The following ADARB2 variants were observed in gnomAD, a reference collection of about 807,000 sequenced individuals.
ADARB2 encodes inactive double-stranded RNA-specific editase B2.
A neutral mutation model predicts 62.2 loss-of-function variants in ADARB2; 25 were observed. The observed-to-expected ratio is 0.40, with a 90% CI of 0.29 to 0.56. The LOEUF is 0.56. Among genes scored for constraint, ADARB2 ranks in the 20% least tolerant of loss-of-function variants. The probability of loss-of-function intolerance (pLI) is 0.43; values close to 1 mark genes in which losing one functional copy is unlikely to be tolerated. For missense variants in ADARB2, 1,071 were observed against 1,077.4 expected, an observed-to-expected ratio of 0.99 and a Z score of 0.08; for synonymous variants, 572 against 500.8, an observed-to-expected ratio of 1.14 and a Z score of -1.90.
intron 1 of ADARB2, among the ~76,000 whole-genome samples, chr10:1,635,797 G>A (rs1833911282): frequency 6.6e-6 from 1 of 152,128 alleles, no homozygotes. Flanking sequence ...CCTTGCAATA[G>A]GCTTTGGCTA....
chr10:1,649,788 C>T (rs1240443160), intron 1 of ADARB2, among the ~76,000 whole-genome samples: 1 of 152,196 alleles, frequency 6.6e-6, no homozygotes, highest in Admixed American at 6.5e-5. Flanking sequence ...TCAGCTGTAT[C>T]ATCAGTAAGA....
At chr10:1,502,793 G>A (rs772623967) in intron 1 of ADARB2, among the ~76,000 whole-genome samples, 1 of 152,188 alleles carries the variant, frequency 6.6e-6, no homozygotes, top group Non-Finnish European at 1.5e-5. Context: ...AAAAGAAACG[G>A]GATCATGTTG....
chr10:1,719,305 A>G (rs892777779), intron 1 of ADARB2, among the ~76,000 whole-genome samples: 2 of 152,156 alleles, frequency 1.3e-5, no homozygotes, highest in African/African-American at 4.8e-5. Context: ...ACAGTCTCAC[A>G]CACTCCTCTA....
intron 3 of ADARB2, among the ~76,000 whole-genome samples, chr10:1,280,569 A>C (rs914551259): frequency 1.3e-5 from 2 of 151,038 alleles, no homozygotes; most frequent in Non-Finnish European, 2.9e-5. Flanking sequence ...TGCTCCGTGA[A>C]ATTCCTAAGT....
chr10:1,464,867 G>A (rs1295799325), intron 1 of ADARB2, among the ~76,000 whole-genome samples: 2 of 152,224 alleles, frequency 1.3e-5, no homozygotes, highest in East Asian at 3.9e-4. Flanking sequence ...ACACACACTC[G>A]GCGGAGGCCC....
chr10:1,404,047 G>A (rs1406218214), intron 1 of ADARB2, among the ~76,000 whole-genome samples: 1 of 152,216 alleles, frequency 6.6e-6, no homozygotes, highest in Non-Finnish European at 1.5e-5. Flanking sequence ...GGCTTCCTGT[G>A]GTGCAGGGGC....
chr10:1,378,410 CAAAG>C (rs533255328), intron 2 of ADARB2, among the ~76,000 whole-genome samples: 52 of 152,236 alleles, frequency 3.4e-4, no homozygotes, highest in African/African-American at 1.1e-3. Flanking sequence ...GATGGAAAAA[CAAAG>C]GAAGGAGAGG....
Position 1,435,101 on chromosome 10 carries a change from G to T in ADARB2, c.101-55941C>A, listed in dbSNP as rs118138368. ...GGTCCCCTGGGAGGCCGTGGAGCAC[G>T]AGGGAGGGCACAGAACCCACCCTGG... On this transcript the variant is annotated intron_variant, in intron 1 of 9. Transcript: ENST00000381312. 7.0e-4 allele frequency among the ~76,000 whole-genome samples: 107 copies of T among 152,334 alleles called. 2 individuals carry two copies. In the East Asian group the frequency reaches 0.02, roughly 28 times the overall value.
chr10:1,575,942 A>G (rs1217721060), intron 1 of ADARB2, among the ~76,000 whole-genome samples: 2 of 151,960 alleles, frequency 1.3e-5, no homozygotes, highest in Non-Finnish European at 2.9e-5. Flanking sequence ...TGCAGAGCAC[A>G]AAGCGCATGG....
intron 1 of ADARB2, among the ~76,000 whole-genome samples, chr10:1,456,030 A>G (rs893785361): frequency 3.9e-5 from 6 of 152,242 alleles, no homozygotes; most frequent in African/African-American, 1.4e-4. Flanking sequence ...TTCAGAATAG[A>G]TCATATGGCT....
intron 3 of ADARB2, among the ~76,000 whole-genome samples, chr10:1,338,682 A>G (rs576268543): frequency 1.3e-5 from 2 of 151,902 alleles, no homozygotes; most frequent in South Asian, 4.2e-4. Flanking sequence ...TACGTGGGCC[A>G]GCTCACAGCC....
intron 3 of ADARB2, among the ~76,000 whole-genome samples, chr10:1,356,814 C>T (rs1832200430): frequency 6.6e-6 from 1 of 152,168 alleles, no homozygotes. Context: ...TCAAACAAGC[C>T]AATTGTGAAA....
chr10:1,247,829 A>C (rs981034951), intron 4 of ADARB2, among the ~76,000 whole-genome samples: 6 of 152,116 alleles, frequency 3.9e-5, no homozygotes, highest in Non-Finnish European at 8.8e-5. Context: ...TCCTTGGTTT[A>C]TGGGCATCAC....
chr10:1,478,996 C>A (rs1460319412), intron 1 of ADARB2, among the ~76,000 whole-genome samples: 1 of 152,146 alleles, frequency 6.6e-6, no homozygotes, highest in African/African-American at 2.4e-5. Context: ...GCTGGTAGCA[C>A]CCTCCCAAAA....
intron 7 of ADARB2, among the ~76,000 whole-genome samples, chr10:1,209,029 C>T (rs372771243): frequency 2.6e-5 from 4 of 152,092 alleles, no homozygotes; most frequent in Non-Finnish European, 4.4e-5. Flanking sequence ...CCAGATACCA[C>T]GGTGGATTTC....
At chr10:1,410,630 G>T (rs1395635835) in intron 1 of ADARB2, among the ~76,000 whole-genome samples, 1 of 152,162 alleles carries the variant, frequency 6.6e-6, no homozygotes, top group Admixed American at 6.5e-5. Flanking sequence ...ACTGTTGATG[G>T]TGTAGCATCT....
intron 3 of ADARB2, among the ~76,000 whole-genome samples, chr10:1,349,007 C>A (rs1257580517): frequency 2.6e-5 from 4 of 152,152 alleles, no homozygotes; most frequent in African/African-American, 9.7e-5. Context: ...ACTATGGACT[C>A]AGGGGAGGTG....
At position 1,244,501 on chromosome 10, in the gene ADARB2, C is replaced by A. The variant is rs182587414; in HGVS notation, c.1193-2202G>T. 3.7e-4 allele frequency among the ~76,000 whole-genome samples: 57 copies of A among 152,336 alleles called. 1 individual carries two copies. Among genetic ancestry groups the A allele is most frequent in the Admixed American group, 2.2e-3 (34 of 15,310 alleles). On this transcript the variant is annotated intron_variant, in intron 4 of 9. Coordinates refer to ENST00000381312, the MANE Select transcript of ADARB2 (RefSeq NM_018702.4). ...AAGCAACTGCTTTCCCTTTACCCCTCATTGATTCCCAGCTCCGTTTGGCTC... is the reference window on the plus strand; with the variant it reads ...AAGCAACTGCTTTCCCTTTACCCCTAATTGATTCCCAGCTCCGTTTGGCTC...
chr10:1,621,816 A>G (rs1374506819), intron 1 of ADARB2, among the ~76,000 whole-genome samples: 1 of 152,226 alleles, frequency 6.6e-6, no homozygotes, highest in Non-Finnish European at 1.5e-5. Context: ...GATTCAATGC[A>G]ATCTCTGCCA....
Sources: allele counts gnomAD v4.1 joint callset (sites outside exome capture counted in the v4.1 genomes callset), GRCh38; gene constraint gnomAD v4.1.1; transcripts MANE v1.5; gene names NCBI Gene and HGNC (gene_info 2026-07-23, HGNC 2026-07-21).